The following COL25A1 variants were observed in gnomAD, a reference collection of about 807,000 sequenced individuals.
COL25A1 encodes the protein collagen type XXV alpha 1 chain, also known as collagen alpha-1(XXV) chain.
COL25A1 carries 103 observed loss-of-function variants against 128.4 expected under a neutral mutation model. That is an observed-to-expected ratio of 0.80 (90% confidence interval 0.68 to 0.94). The LOEUF (loss-of-function observed/expected upper bound fraction) is 0.94. COL25A1 is among the 40% of genes least tolerant of loss of function. The pLI, the probability that COL25A1 is intolerant of heterozygous loss-of-function variation, is 0.00. For synonymous variants in COL25A1, 279 were observed against 277.2 expected, an observed-to-expected ratio of 1.01 and a Z score of -0.06; for missense variants, 745 against 840.0, an observed-to-expected ratio of 0.89 and a Z score of 1.40.
At chr4:109,143,854 G>A (rs765214783) in intron 3 of COL25A1, among the ~76,000 whole-genome samples, 1 of 152,018 alleles carries the variant, frequency 6.6e-6, no homozygotes, top group Admixed American at 6.6e-5. Context: ...CCTTTAGCTC[G>A]GAGGAGTTTA....
chr4:109,118,168 G>T (rs79533478), intron 3 of COL25A1, among the ~76,000 whole-genome samples: 4,912 of 151,754 alleles, frequency 0.032, 140 homozygotes, highest in South Asian at 0.12. Context: ...TTGTCTCCAA[G>T]AAATCCAATT....
intron 3 of COL25A1, among the ~76,000 whole-genome samples, chr4:109,282,750 C>G (rs543055076): frequency 1.3e-5 from 2 of 152,260 alleles, no homozygotes; most frequent in African/African-American, 4.8e-5. Context: ...AAATTAGAAC[C>G]AGTAATTCCA....
chr4:109,050,467 G>A (rs1760885111), intron 3 of COL25A1, among the ~76,000 whole-genome samples: 4 of 151,808 alleles, frequency 2.6e-5, no homozygotes, highest in African/African-American at 7.2e-5. Context: ...ATAAAGAAAG[G>A]GTTTGCTAAG....
At chr4:108,909,674 C>G (rs757523706) in intron 13 of COL25A1, among the ~76,000 whole-genome samples, 22 of 151,998 alleles carry the variant, frequency 1.4e-4, no homozygotes, top group Non-Finnish European at 3.1e-4. Context: ...GGGGAGATCA[C>G]GAAAGATAGC....
chr4:108,893,487 T>C (rs930340096), intron 16 of COL25A1, among the ~76,000 whole-genome samples: 2 of 152,162 alleles, frequency 1.3e-5, no homozygotes, highest in Admixed American at 6.5e-5. Context: ...GGGTGTACCA[T>C]GGTTGTAGGC....
chr4:109,054,299 T>A (rs1761260965), intron 3 of COL25A1, among the ~76,000 whole-genome samples: 1 of 152,222 alleles, frequency 6.6e-6, no homozygotes, highest in South Asian at 2.1e-4. Context: ...GATTTTTCAC[T>A]ACTGTGTGAA....
intron 8 of COL25A1, among the ~76,000 whole-genome samples, chr4:108,958,533 A>T (rs571679751): frequency 1.7e-3 from 264 of 151,804 alleles, no homozygotes; most frequent in South Asian, 3.7e-3. Flanking sequence ...ACATTTTTTT[A>T]AAAAAAACCT....
At chr4:109,016,488 G>T (rs373248271) in intron 5 of COL25A1, among the ~76,000 whole-genome samples, 2 of 152,360 alleles carry the variant, frequency 1.3e-5, no homozygotes, top group East Asian at 3.9e-4. Flanking sequence ...GCCAGGAAAG[G>T]CCTGAAGCCT....
intron 3 of COL25A1, among the ~76,000 whole-genome samples, chr4:109,172,385 T>G (rs989288376): frequency 2.6e-5 from 4 of 151,512 alleles, no homozygotes; most frequent in Admixed American, 2.6e-4. Flanking sequence ...GGGGTGGGAG[T>G]GGGAGGCAGA....
Position 108,813,786 on chromosome 4 carries a change from C to T in COL25A1, c.*141G>A. The T allele has an allele frequency of 1.5e-6, 1 of 653,616 alleles. No homozygotes were observed. The highest frequency in any genetic ancestry group is 2.1e-5 in the South Asian group (1 of 48,100). 40.5% of individuals were successfully genotyped at this position (653,616 alleles called of 1,614,324 possible). A position where few individuals can be genotyped will look rare whatever the true frequency, so the allele number is the denominator to read the frequency against. ...CAGATGTAAGTGGAGTAAAAATGGA[C>T]ATGTATACTACTGCCAGCAGGAAGA... On this transcript the variant is annotated 3_prime_UTR_variant, in exon 38 of 38. Coordinates refer to ENST00000399132, the MANE Select transcript of COL25A1 (RefSeq NM_198721.4).
chr4:109,002,765 A>AT (rs71594156), intron 6 of COL25A1, among the ~76,000 whole-genome samples: 189 of 150,128 alleles, frequency 1.3e-3, no homozygotes, highest in South Asian at 0.012. Flanking sequence ...ATATAGATAC[A>AT]TTTTTTTTTT....
intron 3 of COL25A1, among the ~76,000 whole-genome samples, chr4:109,192,609 C>T (rs1775706270): frequency 2.0e-5 from 3 of 152,178 alleles, no homozygotes; most frequent in Admixed American, 2.0e-4. Context: ...AATCCCAGCA[C>T]TTTGGGAGGT....
intron 19 of COL25A1, among the ~76,000 whole-genome samples, chr4:108,878,338 T>A (rs2125825921): frequency 6.6e-6 from 1 of 151,858 alleles, no homozygotes; most frequent in South Asian, 2.1e-4. Context: ...GCCCAATAAA[T>A]AGTACAGCAG....
chr4:108,948,691 C>T (rs1749056958), intron 8 of COL25A1, among the ~76,000 whole-genome samples: 1 of 152,088 alleles, frequency 6.6e-6, no homozygotes, highest in Admixed American at 6.5e-5. Context: ...ACCCTAGTCA[C>T]TCCAGGAATT....
At chr4:109,291,023 T>C (rs1317110976) in intron 3 of COL25A1, among the ~76,000 whole-genome samples, 3 of 152,116 alleles carry the variant, frequency 2.0e-5, no homozygotes, top group African/African-American at 7.2e-5. Context: ...GTCCATACTT[T>C]GAGACTGTGT....
chr4:109,208,493 A>C (rs1449683553), intron 3 of COL25A1, among the ~76,000 whole-genome samples: 2 of 151,860 alleles, frequency 1.3e-5, no homozygotes, highest in African/African-American at 4.8e-5. Context: ...TAAAAAAAAA[A>C]AAAACAAATT....
At chr4:108,978,321 C>A (rs1752638038) in intron 6 of COL25A1, among the ~76,000 whole-genome samples, 1 of 152,226 alleles carries the variant, frequency 6.6e-6, no homozygotes, top group Admixed American at 6.5e-5. Context: ...CAGGTGTTTT[C>A]TTCTGCTCTG....
chr4:108,906,885 C>A (rs1481785094), intron 13 of COL25A1, among the ~76,000 whole-genome samples: 1 of 152,118 alleles, frequency 6.6e-6, no homozygotes, highest in African/African-American at 2.4e-5. Flanking sequence ...ATAGGAGAAT[C>A]AAATGCATTA....
At chr4:109,238,124 G>A (rs1779593114) in intron 3 of COL25A1, among the ~76,000 whole-genome samples, 2 of 151,958 alleles carry the variant, frequency 1.3e-5, no homozygotes, top group South Asian at 2.1e-4. Context: ...GTGAACGTGG[G>A]TATACAACTA....
Sources: gnomAD v4.1 joint callset for allele counts (sites outside exome capture counted in the v4.1 genomes callset) on GRCh38, gnomAD v4.1.1 for gene constraint, MANE v1.5 for transcripts, NCBI Gene and HGNC (gene_info 2026-07-23, HGNC 2026-07-21) for gene names.